SLC6A5: variants seen among roughly 807,000 people sequenced by gnomAD.
The protein encoded by SLC6A5 is sodium- and chloride-dependent glycine transporter 2.
Under a neutral mutation model 90.5 loss-of-function variants are expected in SLC6A5, and 58 were observed. That is an observed-to-expected ratio of 0.64 (90% confidence interval 0.52 to 0.80). The LOEUF (loss-of-function observed/expected upper bound fraction) is 0.80. Ranked by LOEUF, SLC6A5 falls within the 30% of genes least tolerant of loss-of-function variation. The probability of loss-of-function intolerance (pLI) is 0.00; values close to 1 mark genes in which losing one functional copy is unlikely to be tolerated. For synonymous variants in SLC6A5, 427 were observed against 401.4 expected (o/e 1.06, Z -0.76); for missense variants, 1,015 against 1,017.6 (o/e 1.00, Z 0.03).
intron 6 of SLC6A5, among the ~76,000 whole-genome samples, 192 bp from the exon 7 acceptor site, chr11:20,617,560 C>A (rs115004634): frequency 6.6e-6 from 1 of 152,304 alleles, no homozygotes; most frequent in Non-Finnish European, 1.5e-5. Context: ...TTGCAGATGG[C>A]TGTGGGCAAG....
Position 20,654,714 on chromosome 11 carries a change from G to A in SLC6A5, c.2240G>A (p.Arg747Lys). The A allele has an allele frequency of 1.9e-6, 3 of 1,614,160 alleles. No individual in the cohort carries two copies. Among genetic ancestry groups the A allele is most frequent in the Non-Finnish European group, 1.7e-6 (2 of 1,180,040 alleles). Residue 747 changes from arginine to lysine, a missense_variant and splice_region_variant, in exon 16 of 16, where the codon AGG becomes AAG. Arg to Lys is a conservative substitution (Grantham distance 26, BLOSUM62 2). Around this residue, in one of 3 missense-constraint regions of SLC6A5, gnomAD observed 442 missense variants for 494.3 expected, o/e 0.89. Coordinates refer to ENST00000525748, the MANE Select transcript of SLC6A5 (RefSeq NM_004211.5). ...MHLAPGRFIE[R>K]LKLVCSPQPD... ...TGTCTGTCTTTGGCTTCTTTGCAGAGGCTGAAGTTGGTGTGCTCGCCACAG... is the reference window on the plus strand; with the variant it reads ...TGTCTGTCTTTGGCTTCTTTGCAGAAGCTGAAGTTGGTGTGCTCGCCACAG...
At chr11:20,630,590 T>C in intron 9 of SLC6A5, 101 bp from the exon 10 acceptor site, 1 of 1,362,530 alleles carries the variant, frequency 7.3e-7, no homozygotes, top group South Asian at 1.2e-5. Context: ...TGCCTACACA[T>C]GTGCAGACAA....
rs1852461029 is a variant in SLC6A5, at chr11:20,601,058, C to T, written c.4-71C>T. 1.7e-5 allele frequency: 25 copies of T among 1,476,000 alleles called. No individual in the cohort carries two copies. In the Middle Eastern group the frequency reaches 6.9e-4, roughly 41 times the overall value. The allele number at this position is 1,476,000 out of a possible 1,614,324, so 91.4% of individuals were successfully genotyped here. A position where few individuals can be genotyped will look rare whatever the true frequency, so the allele number is the denominator to read the frequency against. On this transcript the variant is annotated intron_variant, in intron 1 of 15. Transcript: ENST00000525748. The stretch of plus-strand genomic sequence containing the variant: ...TCTGGACCTGAGTTGCGAACGTCTC[C>T]ATATCTAGATACAGGTATTTTAAAA...
Position 20,630,742 on chromosome 11 carries a change from C to T in SLC6A5, c.1551C>T (p.Gly517=). The T allele has an allele frequency of 6.2e-7, 1 of 1,614,228 alleles. No homozygotes were observed. Among genetic ancestry groups the T allele is most frequent in the South Asian group, 1.1e-5 (1 of 91,086 alleles). The change falls in exon 10 of 16, where the codon GGC becomes GGT. Residue 517 remains glycine (G), a synonymous_variant. Transcript: ENST00000525748. ...ACAGTGCCACAAGCATCTTTGCCGG[C>T]TTCGTCATCTTCTCCGTTATCGGCT... is the stretch of plus-strand genomic sequence containing the variant. The part of the protein sequence containing the change: ...CTNSATSIFA[G]FVIFSVIGFM...
chr11:20,601,779 C>G lies in SLC6A5; in HGVS notation c.540+114C>G. On this transcript the variant is annotated intron_variant, in intron 2 of 15. Transcript: ENST00000525748. ...TGATGGGGAAACCGGTTGGCAGTGC[C>G]AGGTGATGGATGCGGGAGGCGGCTT... 3 of 1,144,740 alleles carry G rather than the reference C, an allele frequency of 2.6e-6. No individual in the cohort carries two copies. In the South Asian group the frequency reaches 4.0e-5, roughly 15 times the overall value. 70.9% of individuals were successfully genotyped at this position (1,144,740 alleles called of 1,614,324 possible). A position where few individuals can be genotyped will look rare whatever the true frequency, so the allele number is the denominator to read the frequency against.
intron 2 of SLC6A5, 30 bp from the exon 3 acceptor site, chr11:20,604,256 G>A: frequency 1.3e-6 from 2 of 1,595,644 alleles, no homozygotes. Context: ...ACTCGGGGCT[G>A]TTATCGACAA....
intron 10 of SLC6A5, among the ~76,000 whole-genome samples, chr11:20,631,481 T>C (rs1237237827): frequency 1.3e-5 from 2 of 152,194 alleles, no homozygotes; most frequent in Non-Finnish European, 2.9e-5. Context: ...GACAAAGAGC[T>C]TTCATTTTTA....
chr11:20,653,240 G>C (rs1483370256), intron 15 of SLC6A5, among the ~76,000 whole-genome samples: 1 of 152,118 alleles, frequency 6.6e-6, no homozygotes, highest in Non-Finnish European at 1.5e-5. Context: ...GGCTACTTAG[G>C]GTTTGCTCCT....
Position 20,655,030 on chromosome 11 carries a change from C to A in SLC6A5, c.*162C>A. ...ATGTAGAAAAGTAGGCATAGTGTCGCATGCTGCAGTAAAGAGCTACATAGA... is the reference window on the plus strand; with the variant it reads ...ATGTAGAAAAGTAGGCATAGTGTCGAATGCTGCAGTAAAGAGCTACATAGA... On this transcript the variant is annotated 3_prime_UTR_variant, in exon 16 of 16. Transcript: ENST00000525748. 2 of 801,824 alleles carry A rather than the reference C, an allele frequency of 2.5e-6. No individual in the cohort carries two copies. Among genetic ancestry groups the A allele is most frequent in the Non-Finnish European group, 4.3e-6 (2 of 465,114 alleles). 49.7% of individuals were successfully genotyped at this position (801,824 alleles called of 1,614,324 possible). A position where few individuals can be genotyped will look rare whatever the true frequency, so the allele number is the denominator to read the frequency against.
intron 10 of SLC6A5, among the ~76,000 whole-genome samples, chr11:20,631,402 A>G (rs1853107327): frequency 6.6e-6 from 1 of 152,212 alleles, no homozygotes; most frequent in Admixed American, 6.5e-5. Flanking sequence ...GGCATGTGGA[A>G]TAAATGTTTA....
chr11:20,640,461 C>CT, intron 13 of SLC6A5, among the ~76,000 whole-genome samples: 1 of 152,110 alleles, frequency 6.6e-6, no homozygotes, highest in Non-Finnish European at 1.5e-5. Context: ...ATCCTGAGTG[C>CT]TTTAGTCCCT....
chr11:20,618,538 C>G (rs1852826902), intron 7 of SLC6A5, among the ~76,000 whole-genome samples: 1 of 152,156 alleles, frequency 6.6e-6, no homozygotes, highest in African/African-American at 2.4e-5. Context: ...CACCCAAGCT[C>G]AGTTCCAAGC....
intron 9 of SLC6A5, among the ~76,000 whole-genome samples, chr11:20,630,337 C>T (rs1406438585): frequency 6.6e-6 from 1 of 152,166 alleles, no homozygotes; most frequent in East Asian, 1.9e-4. Flanking sequence ...GACTTAATCA[C>T]TTTTCTAAAG....
intron 5 of SLC6A5, among the ~76,000 whole-genome samples, chr11:20,608,370 G>A (rs540792692): frequency 6.6e-6 from 1 of 152,320 alleles, no homozygotes; most frequent in South Asian, 2.1e-4. Flanking sequence ...TGAATGTGAG[G>A]AGAAGTAGGG....
chr11:20,656,798 T>A lies in SLC6A5; in HGVS notation c.*1930T>A, dbSNP rs2133829709. 1 of 152,272 alleles carries A rather than the reference T, an allele frequency of 6.6e-6. No individual in the cohort carries two copies. Among genetic ancestry groups the A allele is most frequent in the East Asian group, 1.9e-4 (1 of 5,174 alleles). 9.4% of individuals were successfully genotyped at this position (152,272 alleles called of 1,614,324 possible). On this transcript the variant is annotated 3_prime_UTR_variant, in exon 16 of 16. Transcript: ENST00000525748. ...TTGAGTCTATCATAGAGACTAAACC[T>A]TGAGCTTCCCCTAAACTTAGCTTTA...
At chr11:20,618,871 A>G (rs900145989) in intron 7 of SLC6A5, among the ~76,000 whole-genome samples, 2 of 151,784 alleles carry the variant, frequency 1.3e-5, no homozygotes, top group Admixed American at 6.6e-5. Flanking sequence ...CGGGAGGCGG[A>G]GATTGCGGTG....
chr11:20,633,039 G>T (rs12283302), intron 10 of SLC6A5, among the ~76,000 whole-genome samples: 53,926 of 151,820 alleles, frequency 0.36, 10,312 homozygotes, highest in East Asian at 0.7. Context: ...TAGGCATAGG[G>T]AAGGGGGCAT....
chr11:20,608,184 A>T lies in SLC6A5; in HGVS notation c.985+532A>T, dbSNP rs73448146. On this transcript the variant is annotated intron_variant, in intron 5 of 15. Coordinates refer to ENST00000525748, the MANE Select transcript of SLC6A5 (RefSeq NM_004211.5). ...GACTTCACAAGATACTGCTCAGTGC[A>T]TGAGGTGAATATGAGAGTGGACCCT... Among the ~76,000 whole-genome samples, 671 of 152,318 alleles carry T rather than the reference A, an allele frequency of 4.4e-3. 4 individuals are homozygous for T. The highest frequency in any genetic ancestry group is 0.015 in the African/African-American group (631 of 41,564).
chr11:20,645,702 G>A (rs1359638383), intron 13 of SLC6A5, among the ~76,000 whole-genome samples: 4 of 143,484 alleles, frequency 2.8e-5, no homozygotes, highest in Non-Finnish European at 6.0e-5. Flanking sequence ...GCAGTGGTGC[G>A]ATCTCGGCTC....
Sources: gnomAD v4.1 joint callset for allele counts (sites outside exome capture counted in the v4.1 genomes callset) on GRCh38, gnomAD v4.1.1 for gene constraint, gnomAD v4.1.1 regional missense constraint, MANE v1.5 for transcripts, NCBI Gene and HGNC (gene_info 2026-07-23, HGNC 2026-07-21) for gene names.